GALNT13: variants seen among roughly 807,000 people sequenced by gnomAD.
GALNT13 encodes UDP-GalNAc:polypeptide N-acetylgalactosaminyltransferase 13.
Under a neutral mutation model 64.2 loss-of-function variants are expected in GALNT13, and 28 were observed. That is an observed-to-expected ratio of 0.44 (90% CI 0.32 to 0.60). The LOEUF (loss-of-function observed/expected upper bound fraction) is 0.60. Among genes scored for constraint, GALNT13 ranks in the 20% least tolerant of loss-of-function variants. The pLI is 0.05. For missense variants in GALNT13, 577 were observed against 669.8 expected, an observed-to-expected ratio of 0.86 and a Z score of 1.53; for synonymous variants, 214 against 224.6, an observed-to-expected ratio of 0.95 and a Z score of 0.42.
the GALNT13 span, among the ~76,000 whole-genome samples, chr2:153,324,529 T>G: frequency 6.6e-6 from 1 of 152,216 alleles, no homozygotes; most frequent in African/African-American, 2.4e-5. Flanking sequence ...TCCAATACTA[T>G]GTTGAATAGG....
At chr2:154,212,607 T>A (rs1172553229) in intron 4 of GALNT13, among the ~76,000 whole-genome samples, 1 of 151,986 alleles carries the variant, frequency 6.6e-6, no homozygotes, top group African/African-American at 2.4e-5. Context: ...TTTTTCTTCC[T>A]ATTCTTTTTC....
At chr2:154,138,104 A>C (rs1162045376) in intron 3 of GALNT13, among the ~76,000 whole-genome samples, 2 of 151,890 alleles carry the variant, frequency 1.3e-5, no homozygotes, top group Non-Finnish European at 2.9e-5. Flanking sequence ...TTCCCCATAC[A>C]TTTCCTAGTT....
the GALNT13 span, among the ~76,000 whole-genome samples, chr2:153,196,630 C>T: frequency 6.6e-6 from 1 of 151,848 alleles, no homozygotes; most frequent in African/African-American, 2.4e-5. Flanking sequence ...CAGGCAGCCC[C>T]GGCCATGCCT....
At chr2:153,804,124 TTAAAA>T in the GALNT13 span, among the ~76,000 whole-genome samples, 1 of 152,204 alleles carries the variant, frequency 6.6e-6, no homozygotes, top group African/African-American at 2.4e-5. Context: ...GAAATTAGGG[TTAAAA>T]TAAAGAAAAT....
the GALNT13 span, among the ~76,000 whole-genome samples, chr2:153,830,243 CT>C: frequency 6.6e-6 from 1 of 152,088 alleles, no homozygotes; most frequent in East Asian, 1.9e-4. Context: ...TCACATGGCA[CT>C]ACCATAACTT....
the GALNT13 span, among the ~76,000 whole-genome samples, chr2:153,106,239 C>A: frequency 3.3e-5 from 5 of 152,256 alleles, no homozygotes; most frequent in African/African-American, 1.2e-4. Flanking sequence ...TTCCAGCTTT[C>A]CAAAAAATTA....
At chr2:153,082,573 T>TATATA in the GALNT13 span, among the ~76,000 whole-genome samples, 2 of 40,558 alleles carry the variant, frequency 4.9e-5, no homozygotes, top group African/African-American at 2.3e-4. Context: ...TTAGGCTGGT[T>TATATA]TATATATATA....
the GALNT13 span, among the ~76,000 whole-genome samples, chr2:153,613,375 T>G: frequency 6.6e-6 from 1 of 152,140 alleles, no homozygotes; most frequent in South Asian, 2.1e-4. Context: ...CTACCTATTT[T>G]AGAGAGTTCC....
At chr2:153,838,303 G>C in the GALNT13 span, among the ~76,000 whole-genome samples, 3 of 151,720 alleles carry the variant, frequency 2.0e-5, no homozygotes, top group African/African-American at 7.3e-5. Flanking sequence ...CTTTTGGTGT[G>C]ATATCCAAAA....
the GALNT13 span, among the ~76,000 whole-genome samples, chr2:153,466,779 A>C: frequency 6.6e-6 from 1 of 151,998 alleles, no homozygotes; most frequent in Non-Finnish European, 1.5e-5. Context: ...TTCTGGGTTA[A>C]GTTTTAGCAT....
the GALNT13 span, among the ~76,000 whole-genome samples, chr2:153,528,195 TAAA>T: frequency 6.6e-6 from 1 of 151,596 alleles, no homozygotes; most frequent in Non-Finnish European, 1.5e-5. Context: ...ACCTCATCTA[TAAA>T]AAACATACAT....
At chr2:153,824,427 T>TAA in the GALNT13 span, among the ~76,000 whole-genome samples, 1 of 152,198 alleles carries the variant, frequency 6.6e-6, no homozygotes, top group Non-Finnish European at 1.5e-5. Flanking sequence ...TGCACTTGTC[T>TAA]TTTTGGTAAT....
chr2:153,513,168 A>T, the GALNT13 span, among the ~76,000 whole-genome samples: 1 of 151,968 alleles, frequency 6.6e-6, no homozygotes. Flanking sequence ...TTGTTTTCAG[A>T]CTCTCATGTG....
At chr2:154,073,064 T>C (rs1018776076) in intron 3 of GALNT13, among the ~76,000 whole-genome samples, 16 of 152,010 alleles carry the variant, frequency 1.1e-4, no homozygotes, top group Non-Finnish European at 1.5e-4. Context: ...TTTGTTGACA[T>C]GTGCACTGAT....
the GALNT13 span, among the ~76,000 whole-genome samples, chr2:153,628,793 T>G: frequency 1.3e-5 from 2 of 152,274 alleles, no homozygotes; most frequent in Non-Finnish European, 1.5e-5. Context: ...TCAAGGATAT[T>G]GGTCTAAAAT....
chr2:154,296,901 C>G (rs113042252), intron 8 of GALNT13, among the ~76,000 whole-genome samples: 1 of 152,134 alleles, frequency 6.6e-6, no homozygotes, highest in Admixed American at 6.5e-5. Flanking sequence ...GAAGACCTCT[C>G]TGATGAAGTG....
chr2:154,444,603 GAT>G (rs1701468968), intron 12 of GALNT13, among the ~76,000 whole-genome samples: 1 of 152,036 alleles, frequency 6.6e-6, no homozygotes, highest in African/African-American at 2.4e-5. Context: ...GGACTTTGCT[GAT>G]ATGTGTTAAA....
chr2:154,000,895 TCTC>T (rs1695860840), intron 3 of GALNT13, among the ~76,000 whole-genome samples: 1 of 152,012 alleles, frequency 6.6e-6, no homozygotes, highest in Non-Finnish European at 1.5e-5. Context: ...GGAGTTGACA[TCTC>T]CTACTATTAT....
At chr2:154,268,636 C>CAG (rs148641491) in intron 8 of GALNT13, among the ~76,000 whole-genome samples, 11 of 149,156 alleles carry the variant, frequency 7.4e-5, no homozygotes, top group East Asian at 5.9e-4. Flanking sequence ...GAGAGAGAGA[C>CAG]AGAGAGAGAG....
Sources: gnomAD v4.1 joint callset for allele counts (sites outside exome capture counted in the v4.1 genomes callset) on GRCh38, gnomAD v4.1.1 for gene constraint, MANE v1.5 for transcripts, NCBI Gene and HGNC (gene_info 2026-07-23, HGNC 2026-07-21) for gene names.